SGCZ: variants seen among roughly 807,000 people sequenced by gnomAD.
SGCZ encodes zeta-sarcoglycan.
SGCZ carries 40 observed loss-of-function variants against 41.3 expected under a neutral mutation model. That is an observed-to-expected ratio of 0.97 (90% CI 0.75 to 1.26). The LOEUF is 1.26. Ranked by LOEUF, SGCZ falls within the 50% of genes most tolerant of loss-of-function variation. SGCZ has a pLI of 0.00. For synonymous variants in SGCZ, 206 were observed against 137.5 expected, an observed-to-expected ratio of 1.50 and a Z score of -3.49; for missense variants, 552 against 369.8, an observed-to-expected ratio of 1.49 and a Z score of -4.04.
intron 1 of SGCZ, among the ~76,000 whole-genome samples, chr8:14,776,518 C>CTTTTTTTTTTTTTTTTTTT (rs35602866): frequency 8.6e-6 from 1 of 116,636 alleles, no homozygotes; most frequent in Non-Finnish European, 1.7e-5. Context: ...TTTTCTTTTT[C>CTTTTTTTTTTTTTTTTTTT]TTTTTTTTTT....
rs148906716 is a variant in SGCZ at position 14,851,737 on chromosome 8, A to T, written c.40-296811T>A. ...TTTATATATATCTATCCTTTGTGTC[A>T]TTATTATCATAGTCTAATGCTGGAG... is the stretch of plus-strand genomic sequence containing the variant. On this transcript the variant is annotated intron_variant, in intron 1 of 7. Coordinates refer to ENST00000382080, the MANE Select transcript of SGCZ (RefSeq NM_139167.4). Among the ~76,000 whole-genome samples, 620 of 152,246 alleles carry T rather than the reference A, an allele frequency of 4.1e-3. 3 individuals are homozygous for T. Among genetic ancestry groups the T allele is most frequent in the South Asian group, 0.018 (85 of 4,822 alleles).
At chr8:15,021,445 A>G (rs747944024) in intron 1 of SGCZ, among the ~76,000 whole-genome samples, 7 of 152,214 alleles carry the variant, frequency 4.6e-5, no homozygotes, top group Non-Finnish European at 7.3e-5. Flanking sequence ...CATACAGATC[A>G]GAATCTGTTG....
chr8:15,071,077 G>C (rs1257545656), intron 1 of SGCZ, among the ~76,000 whole-genome samples: 2 of 152,114 alleles, frequency 1.3e-5, no homozygotes, highest in African/African-American at 4.8e-5. Flanking sequence ...ATTTTTCAAG[G>C]GAAAGAGAAA....
chr8:14,947,856 T>C (rs1448629476), intron 1 of SGCZ, among the ~76,000 whole-genome samples: 1 of 152,214 alleles, frequency 6.6e-6, no homozygotes, highest in Non-Finnish European at 1.5e-5. Flanking sequence ...AGGCAGCTAC[T>C]GAGCAACAGG....
chr8:14,533,851 C>T (rs1168651623), intron 2 of SGCZ, among the ~76,000 whole-genome samples: 1 of 151,968 alleles, frequency 6.6e-6, no homozygotes, highest in Non-Finnish European at 1.5e-5. Flanking sequence ...GATAGGGTTA[C>T]ATAGCTCTCA....
At chr8:14,719,595 T>A (rs1239466522) in intron 1 of SGCZ, among the ~76,000 whole-genome samples, 3 of 152,110 alleles carry the variant, frequency 2.0e-5, no homozygotes, top group Non-Finnish European at 4.4e-5. Flanking sequence ...TGCATTTCCC[T>A]GATGGCCAGA....
intron 1 of SGCZ, among the ~76,000 whole-genome samples, chr8:14,973,637 C>T (rs1375118138): frequency 2.0e-5 from 3 of 152,126 alleles, no homozygotes; most frequent in Non-Finnish European, 1.5e-5. Flanking sequence ...CAGTGTCCCA[C>T]AATCAAAAGC....
chr8:14,302,152 AT>A (rs36096785), intron 3 of SGCZ, among the ~76,000 whole-genome samples: 19,877 of 152,066 alleles, frequency 0.13, 1,473 homozygotes, highest in Admixed American at 0.2. Context: ...TGTTATATTA[AT>A]TTTTTTATTC....
intron 1 of SGCZ, among the ~76,000 whole-genome samples, chr8:14,930,930 G>A (rs761439372): frequency 5.3e-5 from 8 of 151,920 alleles, no homozygotes; most frequent in Non-Finnish European, 1.0e-4. Context: ...CAGTTGATGG[G>A]TGCAGCAAAC....
At chr8:14,816,553 C>T (rs1260075791) in intron 1 of SGCZ, among the ~76,000 whole-genome samples, 1 of 152,076 alleles carries the variant, frequency 6.6e-6, no homozygotes, top group Non-Finnish European at 1.5e-5. Context: ...AAAAAGCATA[C>T]AATGGAATGA....
chr8:15,093,833 G>A (rs1480420724), intron 1 of SGCZ, among the ~76,000 whole-genome samples: 1 of 152,146 alleles, frequency 6.6e-6, no homozygotes, highest in Non-Finnish European at 1.5e-5. Context: ...ACAATCTACA[G>A]ATGCTCCATC....
At chr8:14,672,253 T>C (rs1013203496) in intron 1 of SGCZ, among the ~76,000 whole-genome samples, 7 of 152,180 alleles carry the variant, frequency 4.6e-5, no homozygotes, top group Admixed American at 4.6e-4. Context: ...TATATAATTA[T>C]TAAAATGTTC....
At chr8:15,179,164 A>G (rs1311653597) in intron 1 of SGCZ, among the ~76,000 whole-genome samples, 1 of 152,172 alleles carries the variant, frequency 6.6e-6, no homozygotes, top group African/African-American at 2.4e-5. Flanking sequence ...ATTAAATAAT[A>G]ATTAACCTGT....
Position 14,511,230 on chromosome 8 carries a change from G to GAGT in SGCZ, c.234+43501_234+43502insACT, listed in dbSNP as rs56395721. Among the ~76,000 whole-genome samples the GAGT allele has an allele frequency of 4.1e-3, 620 of 151,898 alleles. 9 individuals are homozygous for GAGT. The highest frequency in any genetic ancestry group is 0.014 in the African/African-American group (589 of 41,456). On this transcript the variant is annotated intron_variant, in intron 2 of 7. Coordinates refer to ENST00000382080, the MANE Select transcript of SGCZ (RefSeq NM_139167.4). ...TCTTTCTGTCTTGGCAGTCCCTGTA[G>GAGT]GGAAAGCCTGTGATATATATCACAT...
At chr8:14,698,202 C>A (rs1417251499) in intron 1 of SGCZ, among the ~76,000 whole-genome samples, 1 of 151,894 alleles carries the variant, frequency 6.6e-6, no homozygotes, top group Non-Finnish European at 1.5e-5. Flanking sequence ...TTATTTTTAG[C>A]ATCTAATAAC....
intron 2 of SGCZ, among the ~76,000 whole-genome samples, chr8:14,505,069 A>C (rs1019655830): frequency 6.6e-6 from 1 of 152,072 alleles, no homozygotes; most frequent in Non-Finnish European, 1.5e-5. Flanking sequence ...GAATGGCTTG[A>C]GCTCATGGGT....
At chr8:14,300,293 T>G (rs1801145020) in intron 3 of SGCZ, among the ~76,000 whole-genome samples, 2 of 143,428 alleles carry the variant, frequency 1.4e-5, no homozygotes, top group Non-Finnish European at 1.5e-5. Flanking sequence ...AAGGGAAGAA[T>G]AAAGGGAGGG....
intron 1 of SGCZ, among the ~76,000 whole-genome samples, chr8:14,927,303 G>A (rs536299885): frequency 7.2e-5 from 11 of 151,798 alleles, no homozygotes; most frequent in African/African-American, 2.7e-4. Context: ...TAGAGATGGG[G>A]TTTCACAGTG....
At position 14,698,606 on chromosome 8, in the gene SGCZ, G is replaced by C. The variant is rs1372971512; in HGVS notation, c.40-143680C>G. Among the ~76,000 whole-genome samples, 2 of 151,856 alleles carry C rather than the reference G, an allele frequency of 1.3e-5. 1 individual carries two copies. The highest frequency in any genetic ancestry group is 2.9e-5 in the Non-Finnish European group (2 of 67,854). On this transcript the variant is annotated intron_variant, in intron 1 of 7. Transcript: ENST00000382080. Reference sequence around the variant, plus strand: ...TGAGCTAACTTAATACAAATTGCATGTTTTCTGCATTTAGCATATGTGTGG... The same window carrying C: ...TGAGCTAACTTAATACAAATTGCATCTTTTCTGCATTTAGCATATGTGTGG...
Sources: allele counts gnomAD v4.1 joint callset (sites outside exome capture counted in the v4.1 genomes callset), GRCh38; gene constraint gnomAD v4.1.1; transcripts MANE v1.5; gene names NCBI Gene and HGNC (gene_info 2026-07-23, HGNC 2026-07-21).